SEMA3C: variants seen among roughly 807,000 people sequenced by gnomAD.
SEMA3C encodes semaphorin-3C.
In SEMA3C, 47 loss-of-function variants were observed where a neutral mutation model predicts 89.4. The ratio of observed to expected loss-of-function variants is 0.53; its 90% confidence interval spans 0.42 to 0.67. SEMA3C has a LOEUF of 0.67. Among genes scored for constraint, SEMA3C ranks in the 30% least tolerant of loss-of-function variants. SEMA3C has a pLI of 0.00. For synonymous variants in SEMA3C, 310 were observed against 320.2 expected (o/e 0.97, Z 0.34); for missense variants, 839 against 929.1 (o/e 0.90, Z 1.26).
intron 2 of SEMA3C, among the ~76,000 whole-genome samples, chr7:80,846,201 T>C (rs2115906281): frequency 1.3e-5 from 2 of 152,254 alleles, no homozygotes; most frequent in South Asian, 4.1e-4. Context: ...CCTTGCTACC[T>C]CCTCAGCCTG....
At chr7:80,902,177 T>C (rs1016854893) in intron 2 of SEMA3C, among the ~76,000 whole-genome samples, 1 of 152,206 alleles carries the variant, frequency 6.6e-6, no homozygotes, top group Non-Finnish European at 1.5e-5. Flanking sequence ...GGTCTTGGAC[T>C]CCTGGACTCA....
chr7:80,891,196 T>C (rs867701884), intron 2 of SEMA3C, among the ~76,000 whole-genome samples: 1 of 152,190 alleles, frequency 6.6e-6, no homozygotes, highest in Non-Finnish European at 1.5e-5. Context: ...ATTTGGTTAA[T>C]TTACTGATTG....
chr7:80,916,880 A>T (rs1584009557), intron 1 of SEMA3C, 61 bp from the exon 2 acceptor site: 1 of 1,434,844 alleles, frequency 7.0e-7, no homozygotes, highest in African/African-American at 1.4e-5. Context: ...GTAGGAAAAA[A>T]CAGCAATCTA....
intron 12 of SEMA3C, among the ~76,000 whole-genome samples, chr7:80,785,867 C>A (rs1788789770): frequency 6.6e-6 from 1 of 152,200 alleles, no homozygotes; most frequent in South Asian, 2.1e-4. Flanking sequence ...CTTGGCCTCC[C>A]AAAGTGCTGG....
intron 3 of SEMA3C, 91 bp downstream of exon 3, chr7:80,828,494 T>C: frequency 9.5e-7 from 1 of 1,048,870 alleles, no homozygotes. Flanking sequence ...ATTGTTCTAA[T>C]AAAATGCATA....
At chr7:80,867,002 A>C (rs1267789112) in intron 2 of SEMA3C, among the ~76,000 whole-genome samples, 1 of 152,200 alleles carries the variant, frequency 6.6e-6, no homozygotes, top group Non-Finnish European at 1.5e-5. Context: ...AGGTAGAGAA[A>C]AGTGAGAGAG....
chr7:80,767,256 G>A (rs759759105), intron 12 of SEMA3C, among the ~76,000 whole-genome samples: 9 of 152,098 alleles, frequency 5.9e-5, no homozygotes, highest in Non-Finnish European at 1.3e-4. Flanking sequence ...TAACAAGTTG[G>A]CAATATGTTT....
chr7:80,863,816 T>A (rs1790840468), intron 2 of SEMA3C, among the ~76,000 whole-genome samples: 1 of 119,316 alleles, frequency 8.4e-6, no homozygotes, highest in African/African-American at 4.0e-5. Flanking sequence ...ATGTGATACA[T>A]ATATATGTGA....
intron 2 of SEMA3C, among the ~76,000 whole-genome samples, chr7:80,898,902 G>C (rs1237435199): frequency 6.6e-6 from 1 of 151,282 alleles, no homozygotes. Context: ...CTTTCAACAT[G>C]GCCTAAATTG....
At chr7:80,922,288 C>G, upstream of SEMA3C, 1 of 1,288,766 alleles carries the variant, frequency 7.8e-7, no homozygotes, top group Admixed American at 2.3e-5. Flanking sequence ...CATTTTTCTC[C>G]TCTTTTCTAC....
rs1790950975 is a variant in SEMA3C at position 80,867,313 on chromosome 7, C to A, written c.104-38568G>T. On this transcript the variant is annotated intron_variant, in intron 2 of 17. Transcript: ENST00000265361. Reference sequence around the variant, plus strand: ...ACAGGATCTTGCTATACTGCCCAGACTGGTCTAGAACTCCTGACCTAAAGC... The same window carrying A: ...ACAGGATCTTGCTATACTGCCCAGAATGGTCTAGAACTCCTGACCTAAAGC... Among the ~76,000 whole-genome samples the A allele has an allele frequency of 3.3e-5, 5 of 152,130 alleles. No individual in the cohort carries two copies. The South Asian group carries it at 6.2e-4, about 19-fold the overall frequency.
chr7:80,859,246 T>C (rs1283575842), intron 2 of SEMA3C, among the ~76,000 whole-genome samples: 1 of 152,220 alleles, frequency 6.6e-6, no homozygotes, highest in Non-Finnish European at 1.5e-5. Context: ...CCTAGTTATA[T>C]GTTTATGCAT....
At chr7:80,851,545 T>G (rs887919433) in intron 2 of SEMA3C, among the ~76,000 whole-genome samples, 28 of 147,898 alleles carry the variant, frequency 1.9e-4, no homozygotes, top group African/African-American at 6.7e-4. Context: ...ATTCATAGTT[T>G]CTAAAGATTA....
intron 6 of SEMA3C, among the ~76,000 whole-genome samples, chr7:80,808,123 T>A (rs931298641): frequency 6.6e-6 from 1 of 152,130 alleles, no homozygotes; most frequent in Admixed American, 6.5e-5. Flanking sequence ...TGGAAACAAA[T>A]CCAATTCTCT....
intron 2 of SEMA3C, among the ~76,000 whole-genome samples, chr7:80,909,084 GTA>G (rs1303486668): frequency 3.3e-5 from 5 of 152,124 alleles, no homozygotes; most frequent in African/African-American, 9.7e-5. Flanking sequence ...GTGAGTGTGT[GTA>G]TGTGTGTGTG....
At chr7:80,760,765 A>G (rs1233882924) in intron 14 of SEMA3C, among the ~76,000 whole-genome samples, 2 of 152,200 alleles carry the variant, frequency 1.3e-5, no homozygotes, top group African/African-American at 4.8e-5. Context: ...ATATAAATTA[A>G]CTTGTTTGTG....
intron 2 of SEMA3C, among the ~76,000 whole-genome samples, chr7:80,889,268 T>C (rs1472132013): frequency 6.6e-6 from 1 of 152,214 alleles, no homozygotes; most frequent in Non-Finnish European, 1.5e-5. Context: ...CTTTTAGGTA[T>C]AATAAATGTA....
At chr7:80,847,549 G>GGAAC (rs1257725941) in intron 2 of SEMA3C, among the ~76,000 whole-genome samples, 1 of 152,124 alleles carries the variant, frequency 6.6e-6, no homozygotes, top group Non-Finnish European at 1.5e-5. Flanking sequence ...CAGCTACAGA[G>GGAAC]GAACATACTT....
intron 14 of SEMA3C, among the ~76,000 whole-genome samples, chr7:80,758,766 G>C (rs949032219): frequency 6.6e-5 from 10 of 152,186 alleles, no homozygotes; most frequent in Non-Finnish European, 1.3e-4. Context: ...TGTTCTCTCA[G>C]ATTGGAGCTA....
Sources: gnomAD v4.1 joint callset for allele counts (sites outside exome capture counted in the v4.1 genomes callset) on GRCh38, gnomAD v4.1.1 for gene constraint, MANE v1.5 for transcripts, NCBI Gene and HGNC (gene_info 2026-07-23, HGNC 2026-07-21) for gene names.